Variants in HEPACAM2 observed in about 807,000 individuals in gnomAD.
The protein encoded by HEPACAM2 is mitotic kinetics regulator.
In HEPACAM2, 49 loss-of-function variants were observed where a neutral mutation model predicts 49.6. The ratio of observed to expected loss-of-function variants is 0.99; its 90% CI spans 0.78 to 1.25. The LOEUF (loss-of-function observed/expected upper bound fraction) is 1.25, where lower values mean the gene tolerates loss of function less well. HEPACAM2 is among the 50% of genes most tolerant of loss of function. HEPACAM2 has a pLI of 0.00. For synonymous variants in HEPACAM2, 197 were observed against 202.9 expected (o/e 0.97, Z 0.25); for missense variants, 525 against 557.2 (o/e 0.94, Z 0.58).
At chr7:93,209,640 C>T (rs939999570) in intron 3 of HEPACAM2, among the ~76,000 whole-genome samples, 11 of 151,988 alleles carry the variant, frequency 7.2e-5, no homozygotes, top group Non-Finnish European at 1.0e-4. Flanking sequence ...CTATTCTACT[C>T]TCTATGTCTA....
At chr7:93,192,528 T>C (rs1793580851) in intron 8 of HEPACAM2, among the ~76,000 whole-genome samples, 165 bp from the exon 9 acceptor site, 1 of 152,100 alleles carries the variant, frequency 6.6e-6, no homozygotes, top group South Asian at 2.1e-4. Flanking sequence ...TTTCTGCACT[T>C]ACCCTATGGC....
chr7:93,215,392 T>A lies in HEPACAM2; in HGVS notation c.715+9A>T. On this transcript the variant is annotated intron_variant, in intron 3 of 9. Coordinates refer to ENST00000394468, the MANE Select transcript of HEPACAM2 (RefSeq NM_001039372.4). ...AAACAACTCATGAGTTAAAAAAAAATAAACTTACAATATATGATGGGCATA... is the reference window on the plus strand; with the variant it reads ...AAACAACTCATGAGTTAAAAAAAAAAAAACTTACAATATATGATGGGCATA... 1 of 1,604,230 alleles carries A rather than the reference T, an allele frequency of 6.2e-7. No individual in the cohort carries two copies.
At position 93,208,585 on chromosome 7, in the gene HEPACAM2, G is replaced by C. The variant is rs1217018278; in HGVS notation, c.1007C>G (p.Ser336Cys). 2 of 1,611,928 alleles carry C rather than the reference G, an allele frequency of 1.2e-6. No individual in the cohort carries two copies. Among genetic ancestry groups the C allele is most frequent in the African/African-American group, 2.7e-5 (2 of 74,808 alleles). The change falls in exon 4 of 10, where the codon TCC becomes TGC. Residue 336 changes from serine (S) to cysteine (C), a missense_variant. Ser to Cys is a moderately radical substitution (Grantham distance 112). Transcript: ENST00000394468. ...TCCTTGTATGTCACACATACCTACGGAAGTGATGATAACTGTGAAATGAGT... is the reference window on the plus strand; with the variant it reads ...TCCTTGTATGTCACACATACCTACGCAAGTGATGATAACTGTGAAATGAGT... ...DETHFTVIIT[S>C]VGLEKLAQKG...
chr7:93,192,447 G>A, intron 8 of HEPACAM2, 84 bp from the exon 9 acceptor site: 1 of 946,672 alleles, frequency 1.1e-6, no homozygotes, highest in Non-Finnish European at 1.6e-6. Context: ...GAAAACAACT[G>A]GCAGTAGTGA....
chr7:93,197,903 G>T (rs1037869656), intron 4 of HEPACAM2, among the ~76,000 whole-genome samples: 2 of 152,018 alleles, frequency 1.3e-5, no homozygotes, highest in African/African-American at 2.4e-5. Flanking sequence ...AGTGATGTTT[G>T]CCACCTTAGA....
intron 3 of HEPACAM2, among the ~76,000 whole-genome samples, chr7:93,213,324 A>C (rs1307140309): frequency 1.3e-5 from 2 of 152,060 alleles, no homozygotes; most frequent in Admixed American, 6.6e-5. Flanking sequence ...AGATTATGAC[A>C]TCACAACCTC....
intron 4 of HEPACAM2, among the ~76,000 whole-genome samples, chr7:93,202,032 C>CAAAAAAAAAAA (rs71998232): frequency 3.9e-5 from 4 of 102,010 alleles, no homozygotes; most frequent in African/African-American, 1.2e-4. Flanking sequence ...AAAAAAAAAC[C>CAAAAAAAAAAA]AAAAAAAAAA....
intron 3 of HEPACAM2, among the ~76,000 whole-genome samples, chr7:93,209,107 C>G (rs1330594219): frequency 6.6e-6 from 1 of 151,874 alleles, no homozygotes; most frequent in African/African-American, 2.4e-5. Flanking sequence ...GTGATTTGAA[C>G]TAATCTGAAA....
At chr7:93,199,157 A>G (rs1273023874) in intron 4 of HEPACAM2, among the ~76,000 whole-genome samples, 1 of 152,062 alleles carries the variant, frequency 6.6e-6, no homozygotes, top group African/African-American at 2.4e-5. Context: ...GCGTTCAGAG[A>G]ACTGCATTCT....
chr7:93,227,507 T>A (rs1794561643), upstream of HEPACAM2, among the ~76,000 whole-genome samples: 1 of 152,110 alleles, frequency 6.6e-6, no homozygotes, highest in Non-Finnish European at 1.5e-5. Context: ...AAAAAAGGAA[T>A]GATAGTAACT....
At chr7:93,199,283 A>C (rs570248426) in intron 4 of HEPACAM2, among the ~76,000 whole-genome samples, 1 of 152,162 alleles carries the variant, frequency 6.6e-6, no homozygotes, top group Non-Finnish European at 1.5e-5. Context: ...GGCAGCTTCA[A>C]ATGAACTAGA....
upstream of HEPACAM2, among the ~76,000 whole-genome samples, chr7:93,229,945 GTTTA>G (rs1794595318): frequency 6.6e-6 from 1 of 152,094 alleles, no homozygotes; most frequent in South Asian, 2.1e-4. Flanking sequence ...AGAAAATATA[GTTTA>G]TTTAGACACC....
At position 93,208,612 on chromosome 7, in the gene HEPACAM2, T is replaced by A; in HGVS notation, c.980A>T (p.Glu327Val). The change falls in exon 4 of 10, where the codon GAA becomes GTA. Residue 327 changes from glutamate to valine, a missense_variant. Coordinates refer to ENST00000394468, the MANE Select transcript of HEPACAM2 (RefSeq NM_001039372.4). The stretch of plus-strand genomic sequence containing the variant: ...AGTGATGATAACTGTGAAATGAGTT[T>A]CATCTTGCCTGCCGGTTATGTTGTT... ...AYNNITGRQDETHFTVIITSV... is the reference protein window; with the variant it reads ...AYNNITGRQDVTHFTVIITSV... 6.2e-7 allele frequency: 1 copy of A among 1,612,940 alleles called. No homozygotes were observed. The highest frequency in any genetic ancestry group is 1.1e-5 in the South Asian group (1 of 90,988).
At chr7:93,197,124 T>A (rs1246275708) in intron 7 of HEPACAM2, 117 bp downstream of exon 7, 1 of 657,798 alleles carries the variant, frequency 1.5e-6, no homozygotes, top group African/African-American at 1.9e-5. Flanking sequence ...GGTAAGAGAC[T>A]GTTATATTAA....
At chr7:93,205,968 A>T (rs1410831165) in intron 4 of HEPACAM2, among the ~76,000 whole-genome samples, 1 of 152,102 alleles carries the variant, frequency 6.6e-6, no homozygotes, top group Non-Finnish European at 1.5e-5. Flanking sequence ...CAGGTTTTTT[A>T]GATTTTGCAA....
chr7:93,190,016 A>G (rs1311169391), intron 9 of HEPACAM2, among the ~76,000 whole-genome samples: 1 of 152,028 alleles, frequency 6.6e-6, no homozygotes, highest in Non-Finnish European at 1.5e-5. Flanking sequence ...TTATTTTACT[A>G]AGAATCACTA....
chr7:93,227,957 T>C (rs917962323), upstream of HEPACAM2, among the ~76,000 whole-genome samples: 40 of 152,224 alleles, frequency 2.6e-4, no homozygotes, highest in African/African-American at 9.2e-4. Flanking sequence ...CGATTCTCAG[T>C]TGATGCGTAA....
At chr7:93,198,761 T>C (rs908679503) in intron 4 of HEPACAM2, among the ~76,000 whole-genome samples, 2 of 152,084 alleles carry the variant, frequency 1.3e-5, no homozygotes, top group Admixed American at 6.6e-5. Flanking sequence ...GTAAAGACCA[T>C]GGTGGCTACA....
At chr7:93,222,066 T>C (rs1170499099) in intron 1 of HEPACAM2, among the ~76,000 whole-genome samples, 3 of 151,992 alleles carry the variant, frequency 2.0e-5, no homozygotes, top group East Asian at 1.9e-4. Flanking sequence ...GAAAGAAAGA[T>C]GGGAGAGAGA....
Sources: allele counts gnomAD v4.1 joint callset (sites outside exome capture counted in the v4.1 genomes callset), GRCh38; gene constraint gnomAD v4.1.1; transcripts MANE v1.5; gene names NCBI Gene and HGNC (gene_info 2026-07-23, HGNC 2026-07-21).